IL1RAPL1: variants seen among roughly 807,000 people sequenced by gnomAD.
IL1RAPL1 encodes interleukin-1 receptor accessory protein-like 1.
In IL1RAPL1, 3 loss-of-function variants were observed where a neutral mutation model predicts 48.4. The ratio of observed to expected loss-of-function variants is 0.06; its 90% CI spans 0.03 to 0.16. The LOEUF is 0.16. Ranked by LOEUF, IL1RAPL1 falls within the 10% of genes least tolerant of loss-of-function variation. The probability of loss-of-function intolerance (pLI) is 1.00; values close to 1 mark genes in which losing one functional copy is unlikely to be tolerated. For missense variants in IL1RAPL1, 349 were observed against 530.6 expected (o/e 0.66, Z 3.36); for synonymous variants, 185 against 187.7 (o/e 0.99, Z 0.12).
chrX:29,392,021 C>T lies in IL1RAPL1; in HGVS notation c.363-4237C>T, dbSNP rs187322943. Among the ~76,000 whole-genome samples the T allele has an allele frequency of 2.0e-3, 228 of 112,068 alleles. 1 individual carries two copies. The highest frequency in any genetic ancestry group is 9.2e-3 in the Middle Eastern group (2 of 217). On this transcript the variant is annotated intron_variant, in intron 3 of 10. Coordinates refer to ENST00000378993, the MANE Select transcript of IL1RAPL1 (RefSeq NM_014271.4). ...ACCTGGTGTGGACCTCACGGTCACC[C>T]TTGCCAGAGACAACTAGATTTTTTT...
intron 2 of IL1RAPL1, among the ~76,000 whole-genome samples, chrX:29,183,499 C>G (rs1930188163): frequency 9.0e-6 from 1 of 111,417 alleles, no homozygotes; most frequent in Non-Finnish European, 1.9e-5. Flanking sequence ...TGACAAACCC[C>G]TCCATGATCT....
chrX:29,893,705 G>GT (rs1460194067), intron 6 of IL1RAPL1, among the ~76,000 whole-genome samples: 1 of 111,447 alleles, frequency 9.0e-6, no homozygotes, highest in African/African-American at 3.3e-5. Flanking sequence ...TACAATATTC[G>GT]TAAAGAAGCC....
chrX:28,664,803 C>T (rs950943406), intron 1 of IL1RAPL1, among the ~76,000 whole-genome samples: 1 of 111,682 alleles, frequency 9.0e-6, no homozygotes, highest in Admixed American at 9.6e-5. Flanking sequence ...CTGCACTTGT[C>T]AGGCTTGTTG....
intron 5 of IL1RAPL1, among the ~76,000 whole-genome samples, chrX:29,653,989 C>G (rs1297050482): frequency 9.3e-6 from 1 of 107,541 alleles, no homozygotes; most frequent in Non-Finnish European, 1.9e-5. Context: ...TGTTTTCAGT[C>G]TGCCTTCACC....
At chrX:29,504,511 C>T (rs1458388496) in intron 5 of IL1RAPL1, among the ~76,000 whole-genome samples, 3 of 111,888 alleles carry the variant, frequency 2.7e-5, no homozygotes, top group South Asian at 7.5e-4. Flanking sequence ...TACTTGGGAG[C>T]TCTGGTGTTG....
At chrX:29,827,565 C>G (rs1365199834) in intron 6 of IL1RAPL1, among the ~76,000 whole-genome samples, 1 of 111,574 alleles carries the variant, frequency 9.0e-6, no homozygotes, top group African/African-American at 3.3e-5. Flanking sequence ...CCAGAGAAGG[C>G]CTCTCTGATG....
intron 5 of IL1RAPL1, among the ~76,000 whole-genome samples, chrX:29,629,058 C>T (rs1924694431): frequency 8.9e-6 from 1 of 111,892 alleles, no homozygotes; most frequent in African/African-American, 3.2e-5. Flanking sequence ...CTTTGAAAGG[C>T]TCCAGAAACT....
At chrX:28,740,225 T>A (rs935527887) in intron 1 of IL1RAPL1, among the ~76,000 whole-genome samples, 1 of 111,967 alleles carries the variant, frequency 8.9e-6, no homozygotes, top group Non-Finnish European at 1.9e-5. Context: ...CAGCCTTATG[T>A]CACTGAAGAG....
At position 28,734,266 on chromosome X, in the gene IL1RAPL1, A is replaced by G. The variant is rs185924432; in HGVS notation, c.-24-55054A>G. Among the ~76,000 whole-genome samples the G allele has an allele frequency of 5.4e-5, 6 of 111,066 alleles. No individual in the cohort carries two copies. The East Asian group carries it at 1.7e-3, about 32-fold the overall frequency. On this transcript the variant is annotated intron_variant, in intron 1 of 10. Coordinates refer to ENST00000378993, the MANE Select transcript of IL1RAPL1 (RefSeq NM_014271.4). ...AAATCCTGTCAGTCCTCACCTTGAA[A>G]CCCTGCAGTGAAACCACAATTCATT...
chrX:29,779,635 C>A (rs978507020), intron 6 of IL1RAPL1, among the ~76,000 whole-genome samples: 2 of 111,117 alleles, frequency 1.8e-5, no homozygotes, highest in African/African-American at 6.5e-5. Context: ...AAAAATAAAA[C>A]AGATCATGCT....
intron 2 of IL1RAPL1, among the ~76,000 whole-genome samples, chrX:28,846,255 C>G (rs1265965214): frequency 8.9e-6 from 1 of 111,968 alleles, no homozygotes; most frequent in Non-Finnish European, 1.9e-5. Flanking sequence ...GACTTGATAG[C>G]TGATTTATTT....
chrX:28,975,710 T>C lies in IL1RAPL1; in HGVS notation c.82+186285T>C, dbSNP rs770100421. Among the ~76,000 whole-genome samples, 109 of 112,236 alleles carry C rather than the reference T, an allele frequency of 9.7e-4. 1 individual carries two copies. Among genetic ancestry groups the C allele is most frequent in the African/African-American group, 3.5e-3 (107 of 30,929 alleles). ...GAAAATGTTTTCTAATGTAAAGAGA[T>C]ATACAGTAAGTAAGATAAATATATG... On this transcript the variant is annotated intron_variant, in intron 2 of 10. Transcript: ENST00000378993.
intron 6 of IL1RAPL1, among the ~76,000 whole-genome samples, chrX:29,733,991 C>T (rs775437213): frequency 1.8e-5 from 2 of 112,772 alleles, no homozygotes; most frequent in South Asian, 7.3e-4. Flanking sequence ...CACAGGTATG[C>T]TCAAAGTTTC....
intron 2 of IL1RAPL1, among the ~76,000 whole-genome samples, chrX:29,033,139 A>G (rs977797616): frequency 2.7e-5 from 3 of 111,386 alleles, no homozygotes; most frequent in African/African-American, 9.7e-5. Context: ...ATTTTAATAA[A>G]TTTATCAATT....
chrX:29,752,103 T>TATACACAC (rs1383320614), intron 6 of IL1RAPL1, among the ~76,000 whole-genome samples: 14 of 96,382 alleles, frequency 1.5e-4, no homozygotes, highest in African/African-American at 5.5e-4. Flanking sequence ...TATATATATA[T>TATACACAC]ACACACATAT....
intron 5 of IL1RAPL1, among the ~76,000 whole-genome samples, chrX:29,458,630 C>G (rs962962647): frequency 9.0e-6 from 1 of 111,604 alleles, no homozygotes; most frequent in Non-Finnish European, 1.9e-5. Flanking sequence ...TTGCACCAAC[C>G]TAATAAATAG....
chrX:29,024,229 G>C (rs1379601546), intron 2 of IL1RAPL1, among the ~76,000 whole-genome samples: 2 of 111,597 alleles, frequency 1.8e-5, no homozygotes, highest in East Asian at 5.6e-4. Flanking sequence ...TTTTACCTAG[G>C]AAAATCTTCT....
chrX:29,610,342 G>A (rs985429206), intron 5 of IL1RAPL1, among the ~76,000 whole-genome samples: 21 of 111,536 alleles, frequency 1.9e-4, no homozygotes, highest in African/African-American at 4.6e-4. Flanking sequence ...TTCTTGACTC[G>A]CTTTTAAACT....
chrX:29,601,848 T>G (rs772356349), intron 5 of IL1RAPL1, among the ~76,000 whole-genome samples: 1 of 112,604 alleles, frequency 8.9e-6, no homozygotes, highest in East Asian at 2.8e-4. Context: ...AAATTTGTGT[T>G]AAAATTTTGC....
Sources: allele counts gnomAD v4.1 joint callset (sites outside exome capture counted in the v4.1 genomes callset), GRCh38; gene constraint gnomAD v4.1.1; transcripts MANE v1.5; gene names NCBI Gene and HGNC (gene_info 2026-07-23, HGNC 2026-07-21).